The following TLL2 variants were observed in gnomAD, a reference collection of about 807,000 sequenced individuals.
TLL2 encodes the protein tolloid-like protein 2.
A neutral mutation model predicts 123.0 loss-of-function variants in TLL2; 106 were observed. The observed-to-expected ratio is 0.86, with a 90% CI of 0.74 to 1.01. The LOEUF is 1.01. TLL2 is among the 50% of genes least tolerant of loss of function. The probability of loss-of-function intolerance (pLI) is 0.00; values close to 1 mark genes in which losing one functional copy is unlikely to be tolerated. For synonymous variants in TLL2, 494 were observed against 516.8 expected, an observed-to-expected ratio of 0.96 and a Z score of 0.60; for missense variants, 1,332 against 1,336.7, an observed-to-expected ratio of 1.00 and a Z score of 0.06.
chr10:96,448,031 C>T (rs1589424917), intron 2 of TLL2, among the ~76,000 whole-genome samples: 1 of 152,176 alleles, frequency 6.6e-6, no homozygotes, highest in South Asian at 2.1e-4. Flanking sequence ...CCACGTGGTC[C>T]CGCTCCCAAC....
At position 96,370,209 on chromosome 10, in the gene TLL2, G is replaced by A. The variant is rs757852949; in HGVS notation, c.2769C>T (p.Ile923=). The A allele has an allele frequency of 2.5e-6, 4 of 1,613,934 alleles. No homozygotes were observed. Among genetic ancestry groups the A allele is most frequent in the Admixed American group, 3.3e-5 (2 of 59,994 alleles). The part of the protein sequence containing the change: ...YPSEARCDWV[I]VAEDGYGVEL... ...CCACGCCGTAGCCGTCCTCTGCCAC[G>A]ATCACCCAGTCACAGCGGGCCTCGC... Residue 923 remains isoleucine, a synonymous_variant, in exon 20 of 21, where the codon ATC becomes ATT. Transcript: ENST00000357947.
intron 2 of TLL2, among the ~76,000 whole-genome samples, chr10:96,479,638 G>A (rs529409356): frequency 3.3e-4 from 50 of 152,322 alleles, no homozygotes; most frequent in African/African-American, 1.1e-3. Flanking sequence ...ATTTCAAGAT[G>A]AGCAAGTCAT....
intron 20 of TLL2, among the ~76,000 whole-genome samples, chr10:96,368,911 T>G (rs537151222): frequency 6.6e-6 from 1 of 152,332 alleles, no homozygotes; most frequent in Non-Finnish European, 1.5e-5. Flanking sequence ...ACAGACCTCA[T>G]AGTTTGAAAG....
At chr10:96,511,198 C>G (rs1308820968) in intron 1 of TLL2, among the ~76,000 whole-genome samples, 22 of 152,140 alleles carry the variant, frequency 1.4e-4, no homozygotes, top group Admixed American at 1.4e-3. Flanking sequence ...GGAGGCTGCC[C>G]CTAAAGGTTT....
At chr10:96,440,344 AG>A (rs1241242791) in intron 3 of TLL2, among the ~76,000 whole-genome samples, 2 of 152,220 alleles carry the variant, frequency 1.3e-5, no homozygotes, top group African/African-American at 4.8e-5. Context: ...GAATTAAAGA[AG>A]GGATGAGCTA....
chr10:96,413,132 T>C (rs1846522786), intron 8 of TLL2, 60 bp downstream of exon 8: 2 of 1,597,566 alleles, frequency 1.3e-6, no homozygotes, highest in African/African-American at 1.3e-5. Context: ...TTTCCCAGCA[T>C]AGGGACTGTG....
At chr10:96,452,767 T>C (rs1846974062) in intron 2 of TLL2, among the ~76,000 whole-genome samples, 1 of 152,218 alleles carries the variant, frequency 6.6e-6, no homozygotes, top group Admixed American at 6.5e-5. Context: ...AATGAATGAA[T>C]GAAACATCTG....
intron 2 of TLL2, among the ~76,000 whole-genome samples, chr10:96,459,500 G>A (rs891366127): frequency 2.0e-5 from 3 of 150,374 alleles, no homozygotes; most frequent in African/African-American, 7.3e-5. Context: ...CCAACATGGT[G>A]AAACCCCGTC....
At chr10:96,413,633 A>C (rs1025302217) in intron 7 of TLL2, among the ~76,000 whole-genome samples, 1 of 152,014 alleles carries the variant, frequency 6.6e-6, no homozygotes, top group Non-Finnish European at 1.5e-5. Context: ...ACAGGTCCAG[A>C]CCCCGGAGAG....
At chr10:96,444,956 G>A (rs537521498) in intron 3 of TLL2, among the ~76,000 whole-genome samples, 16 of 152,310 alleles carry the variant, frequency 1.1e-4, no homozygotes, top group African/African-American at 3.4e-4. Flanking sequence ...TTGGGAGGCC[G>A]AGGCGGGCAG....
intron 7 of TLL2, among the ~76,000 whole-genome samples, chr10:96,419,405 CT>C (rs1316142647): frequency 1.3e-5 from 2 of 152,194 alleles, no homozygotes; most frequent in Non-Finnish European, 2.9e-5. Flanking sequence ...TAATTACTGT[CT>C]GCCTCCCTCA....
At chr10:96,435,035 CT>C (rs34593980) in intron 3 of TLL2, among the ~76,000 whole-genome samples, 2,119 of 130,330 alleles carry the variant, frequency 0.016, 35 homozygotes, top group African/African-American at 0.056. Flanking sequence ...TTTTTTTTTT[CT>C]TTTTTTTTTT....
chr10:96,376,313 G>A (rs1846137578), intron 18 of TLL2, among the ~76,000 whole-genome samples: 1 of 152,192 alleles, frequency 6.6e-6, no homozygotes, highest in Non-Finnish European at 1.5e-5. Flanking sequence ...GGGGTCTTTT[G>A]ATTTCTATTT....
intron 18 of TLL2, among the ~76,000 whole-genome samples, chr10:96,374,932 G>A (rs1221624962): frequency 2.4e-5 from 3 of 125,770 alleles, no homozygotes; most frequent in Non-Finnish European, 4.7e-5. Flanking sequence ...TGGACCAAAT[G>A]ACAGAGCAGG....
At chr10:96,469,202 C>A (rs762348434) in intron 2 of TLL2, among the ~76,000 whole-genome samples, 5 of 152,252 alleles carry the variant, frequency 3.3e-5, no homozygotes, top group Non-Finnish European at 7.3e-5. Context: ...GGACTCAACA[C>A]ACGAGAGTCT....
At chr10:96,421,561 G>A (rs113745298) in intron 6 of TLL2, among the ~76,000 whole-genome samples, 24 of 152,192 alleles carry the variant, frequency 1.6e-4, no homozygotes, top group African/African-American at 5.8e-4. Context: ...CTACTTGGGA[G>A]GCTGAGGCAG....
intron 1 of TLL2, among the ~76,000 whole-genome samples, chr10:96,505,316 A>T (rs1265503619): frequency 6.6e-6 from 1 of 152,252 alleles, no homozygotes; most frequent in Non-Finnish European, 1.5e-5. Flanking sequence ...ACCTCCCACC[A>T]GGTCTCTCCC....
chr10:96,386,923 T>G, intron 14 of TLL2, 30 bp downstream of exon 14: 1 of 1,613,224 alleles, frequency 6.2e-7, no homozygotes, highest in Non-Finnish European at 8.5e-7. Flanking sequence ...ATATACCCTC[T>G]CATTCTAGCT....
chr10:96,405,297 C>A lies in TLL2; in HGVS notation c.1202G>T (p.Ser401Ile), dbSNP rs770723273. 6.2e-7 allele frequency: 1 copy of A among 1,614,126 alleles called. No individual in the cohort carries two copies. Among genetic ancestry groups the A allele is most frequent in the Non-Finnish European group, 8.5e-7 (1 of 1,180,028 alleles). The stretch of plus-strand genomic sequence containing the variant: ...CACGTAATCATACCAGCACAGTCGG[C>A]TTTTAAACAAATCCATGGATGTGAA... ...LNFTSMDLFK[S>I]RLCWYDYVEV... Residue 401 changes from serine to isoleucine, a missense_variant, in exon 10 of 21, where the codon AGC becomes ATC. Coordinates refer to ENST00000357947, the MANE Select transcript of TLL2 (RefSeq NM_012465.4).
Sources: gnomAD v4.1 joint callset for allele counts (sites outside exome capture counted in the v4.1 genomes callset) on GRCh38, gnomAD v4.1.1 for gene constraint, MANE v1.5 for transcripts, NCBI Gene and HGNC (gene_info 2026-07-23, HGNC 2026-07-21) for gene names.